C1orf185: variants seen among roughly 807,000 people sequenced by gnomAD.
C1orf185 encodes chromosome 1 open reading frame 185, also known as uncharacterized protein C1orf185.
A neutral mutation model predicts 16.1 loss-of-function variants in C1orf185; 13 were observed. The ratio of observed to expected loss-of-function variants is 0.81; its 90% confidence interval spans 0.53 to 1.28. The LOEUF is 1.28. Among genes scored for constraint, C1orf185 ranks in the 50% most tolerant of loss-of-function variants. The probability of loss-of-function intolerance (pLI) is 0.00; values close to 1 mark genes in which losing one functional copy is unlikely to be tolerated. For synonymous variants in C1orf185, 80 were observed against 76.9 expected, an observed-to-expected ratio of 1.04 and a Z score of -0.21; for missense variants, 220 against 225.2, an observed-to-expected ratio of 0.98 and a Z score of 0.15.
chr1:51,114,981 T>C (rs138659555), intron 2 of C1orf185, among the ~76,000 whole-genome samples: 1 of 152,314 alleles, frequency 6.6e-6, no homozygotes, highest in Non-Finnish European at 1.5e-5. Context: ...CAGGTTTCTA[T>C]CACCACAGAT....
intron 1 of C1orf185, among the ~76,000 whole-genome samples, chr1:51,108,907 ATTTCC>A (rs1173984983): frequency 6.6e-6 from 1 of 152,138 alleles, no homozygotes; most frequent in African/African-American, 2.4e-5. Flanking sequence ...TAGTATACTG[ATTTCC>A]TTTCCTTTCC....
chr1:51,125,076 C>A (rs921532228), intron 3 of C1orf185, among the ~76,000 whole-genome samples: 1 of 152,096 alleles, frequency 6.6e-6, no homozygotes, highest in African/African-American at 2.4e-5. Flanking sequence ...AAGGGCCCAA[C>A]GGGAAGGTGT....
rs139560409 is a variant in C1orf185, at chr1:51,144,282, A to T, written c.259-1442A>T. 3.6e-3 allele frequency among the ~76,000 whole-genome samples: 543 copies of T among 152,350 alleles called. 1 individual carries two copies. Among genetic ancestry groups the T allele is most frequent in the Non-Finnish European group, 4.4e-3 (300 of 68,034 alleles). On this transcript the variant is annotated intron_variant, in intron 3 of 4. Coordinates refer to ENST00000371759, the MANE Select transcript of C1orf185 (RefSeq NM_001136508.2). ...AGCTCCCAGGGTAATCTGTCAGCAC[A>T]TCAAAGTCTGAGAAGCAATATTCTA...
chr1:51,113,368 T>TTATTAA (rs374952190), intron 2 of C1orf185, among the ~76,000 whole-genome samples: 18 of 151,682 alleles, frequency 1.2e-4, no homozygotes, highest in African/African-American at 1.7e-4. Context: ...TAATTATTAA[T>TTATTAA]TATTAATATT....
intron 1 of C1orf185, among the ~76,000 whole-genome samples, chr1:51,108,688 T>A (rs1221210948): frequency 6.6e-6 from 1 of 152,206 alleles, no homozygotes; most frequent in Non-Finnish European, 1.5e-5. Flanking sequence ...TTTTTGTCTT[T>A]CTGTTCCTGG....
rs1646244608 is a variant in C1orf185, at chr1:51,126,961, G to A, written c.258+8160G>A. Among the ~76,000 whole-genome samples the A allele has an allele frequency of 8.6e-5, 13 of 151,444 alleles. No homozygotes were observed. The South Asian group carries it at 2.3e-3, about 27-fold the overall frequency. ...GGAGTGCTGGTCATGTTTGTAAAAT[G>A]TCCCTCAATTGGGGTTTGTTTATTT... On this transcript the variant is annotated intron_variant, in intron 3 of 4. Coordinates refer to ENST00000371759, the MANE Select transcript of C1orf185 (RefSeq NM_001136508.2).
At chr1:51,125,212 G>T (rs905134485) in intron 3 of C1orf185, among the ~76,000 whole-genome samples, 1 of 152,174 alleles carries the variant, frequency 6.6e-6, no homozygotes, top group African/African-American at 2.4e-5. Context: ...AGAAGGAAGA[G>T]AAAAATTAAT....
At chr1:51,115,404 T>A (rs1646150764) in intron 2 of C1orf185, among the ~76,000 whole-genome samples, 1 of 152,220 alleles carries the variant, frequency 6.6e-6, no homozygotes, top group South Asian at 2.1e-4. Context: ...ATTGTTTTAT[T>A]GAGTAATATT....
At chr1:51,134,111 G>A (rs1467863329) in intron 3 of C1orf185, among the ~76,000 whole-genome samples, 1 of 152,000 alleles carries the variant, frequency 6.6e-6, no homozygotes, top group Non-Finnish European at 1.5e-5. Context: ...CTCAGCAAAT[G>A]CAAAAGAACA....
intron 1 of C1orf185, among the ~76,000 whole-genome samples, chr1:51,111,463 C>A (rs1487297092): frequency 1.4e-5 from 2 of 146,746 alleles, no homozygotes; most frequent in Non-Finnish European, 3.0e-5. Flanking sequence ...ATCTCAAATT[C>A]CTGGGCTCAA....
At chr1:51,116,716 C>T (rs1337284191) in intron 2 of C1orf185, among the ~76,000 whole-genome samples, 2 of 152,130 alleles carry the variant, frequency 1.3e-5, no homozygotes, top group Non-Finnish European at 2.9e-5. Context: ...TACCCCCACA[C>T]ATATTCCCCA....
intron 3 of C1orf185, among the ~76,000 whole-genome samples, chr1:51,137,686 A>C (rs985778039): frequency 6.6e-6 from 1 of 152,158 alleles, no homozygotes; most frequent in African/African-American, 2.4e-5. Flanking sequence ...ATTTGACCCC[A>C]CAATCCCATT....
intron 3 of C1orf185, among the ~76,000 whole-genome samples, chr1:51,129,139 C>T (rs1456292228): frequency 2.0e-5 from 3 of 152,174 alleles, no homozygotes; most frequent in Non-Finnish European, 4.4e-5. Flanking sequence ...CCTGCCTCGG[C>T]CTCCCAAAGT....
At chr1:51,118,337 C>T (rs1255724741) in intron 2 of C1orf185, among the ~76,000 whole-genome samples, 7 of 152,144 alleles carry the variant, frequency 4.6e-5, no homozygotes, top group African/African-American at 1.7e-4. Context: ...ACATTAAAAC[C>T]AACTAATTTT....
chr1:51,121,295 C>T (rs1388766399), intron 3 of C1orf185, among the ~76,000 whole-genome samples: 1 of 152,094 alleles, frequency 6.6e-6, no homozygotes, highest in Non-Finnish European at 1.5e-5. Context: ...CCTGCCATCC[C>T]AGCCCACCAT....
At position 51,135,494 on chromosome 1, in the gene C1orf185, A is replaced by G. The variant is rs1481361512; in HGVS notation, c.259-10230A>G. 2.6e-5 allele frequency among the ~76,000 whole-genome samples: 4 copies of G among 151,944 alleles called. No individual in the cohort carries two copies. In the South Asian group the frequency reaches 8.3e-4, roughly 32 times the overall value. On this transcript the variant is annotated intron_variant, in intron 3 of 4. Transcript: ENST00000371759. ...GCGGAGGTTGCAGTGAGCCGAGATCACACCATTGCACTCCAGCCTGGGCAA... is the reference window on the plus strand; with the variant it reads ...GCGGAGGTTGCAGTGAGCCGAGATCGCACCATTGCACTCCAGCCTGGGCAA...
intron 1 of C1orf185, among the ~76,000 whole-genome samples, chr1:51,112,110 G>A (rs1265397655): frequency 6.6e-6 from 1 of 151,934 alleles, no homozygotes; most frequent in African/African-American, 2.4e-5. Flanking sequence ...TATGTTGGAG[G>A]CCTGCCAGGA....
At chr1:51,124,597 T>C (rs2148019504) in intron 3 of C1orf185, among the ~76,000 whole-genome samples, 1 of 152,340 alleles carries the variant, frequency 6.6e-6, no homozygotes, top group East Asian at 1.9e-4. Context: ...ACTGTGATTA[T>C]ACTCAGTAAA....
chr1:51,102,393 G>T (rs1006713911), intron 1 of C1orf185, 144 bp downstream of exon 1: 17 of 473,690 alleles, frequency 3.6e-5, no homozygotes, highest in African/African-American at 3.1e-4. Flanking sequence ...GTATACAGTA[G>T]AAATTGTAAA....
Sources: allele counts gnomAD v4.1 joint callset (sites outside exome capture counted in the v4.1 genomes callset), GRCh38; gene constraint gnomAD v4.1.1; transcripts MANE v1.5; gene names NCBI Gene and HGNC (gene_info 2026-07-23, HGNC 2026-07-21).